Variants in HPS3 observed in about 807,000 individuals in gnomAD.
The protein encoded by HPS3 is HPS3 biogenesis of lysosomal organelles complex 2 subunit 1.
Under a neutral mutation model 110.9 loss-of-function variants are expected in HPS3, and 79 were observed. The ratio of observed to expected loss-of-function variants is 0.71; its 90% confidence interval spans 0.59 to 0.86. The LOEUF (loss-of-function observed/expected upper bound fraction) is 0.86. Ranked by LOEUF, HPS3 falls within the 40% of genes least tolerant of loss-of-function variation. The pLI, the probability that HPS3 is intolerant of heterozygous loss-of-function variation, is 0.00. For missense variants in HPS3, 1,197 were observed against 1,206.2 expected, an observed-to-expected ratio of 0.99 and a Z score of 0.11; for synonymous variants, 428 against 451.0, an observed-to-expected ratio of 0.95 and a Z score of 0.65.
chr3:149,131,498 T>C (rs555358218), intron 1 of HPS3, among the ~76,000 whole-genome samples: 2 of 152,338 alleles, frequency 1.3e-5, no homozygotes, highest in Non-Finnish European at 2.9e-5. Context: ...ATCTTTGATG[T>C]TACTATTGTA....
In HPS3 at chr3:149,167,967, C is replaced by A. The variant is rs917888974; in HGVS notation, c.2871C>A (p.Tyr957Ter). 5 of 1,576,362 alleles carry A rather than the reference C, an allele frequency of 3.2e-6. No individual in the cohort carries two copies. In the African/African-American group the frequency reaches 5.4e-5, roughly 17 times the overall value. ...IKCGGEKYQL[Y>*]LSSLKETLSI... ...GTGGTGGAGAGAAGTATCAACTCTA[C>A]CTGTCATCATTAAAAGGTAAAATGA... The change falls in exon 16 of 17, where the codon TAC becomes TAA. Residue 957 changes from tyrosine to a stop codon, truncating the protein, a stop_gained. Transcript: ENST00000296051. LOFTEE classifies it high-confidence loss of function.
intron 1 of HPS3, among the ~76,000 whole-genome samples, chr3:149,135,874 A>G (rs1320886159): frequency 6.6e-6 from 1 of 152,116 alleles, no homozygotes; most frequent in Non-Finnish European, 1.5e-5. Context: ...TACCCCTCCC[A>G]CAAGCCCTAC....
chr3:149,158,561 G>A (rs757044131), intron 9 of HPS3, 105 bp from the exon 10 acceptor site: 19 of 1,081,792 alleles, frequency 1.8e-5, no homozygotes, highest in Non-Finnish European at 2.6e-5. Flanking sequence ...GCTGAGGTAG[G>A]ATAATCACTT....
intron 6 of HPS3, among the ~76,000 whole-genome samples, chr3:149,151,788 C>A (rs976907044): frequency 3.3e-5 from 5 of 152,126 alleles, no homozygotes; most frequent in Non-Finnish European, 2.9e-5. Flanking sequence ...AATATACATG[C>A]TGCAAGAAGC....
chr3:149,136,213 TATAC>T (rs1224900792), intron 1 of HPS3, among the ~76,000 whole-genome samples: 26 of 151,322 alleles, frequency 1.7e-4, no homozygotes, highest in East Asian at 5.8e-4. Context: ...TACATATATA[TATAC>T]ACACACACAC....
At chr3:149,141,512 T>A in intron 4 of HPS3, 132 bp downstream of exon 4, 1 of 658,948 alleles carries the variant, frequency 1.5e-6, no homozygotes, top group Non-Finnish European at 2.7e-6. Flanking sequence ...TGTGGCCCTT[T>A]AACAAAGTTT....
At position 149,157,871 on chromosome 3, in the gene HPS3, A is replaced by G. The variant is rs955555801; in HGVS notation, c.1691+340A>G. 2.6e-5 allele frequency among the ~76,000 whole-genome samples: 4 copies of G among 152,212 alleles called. No individual in the cohort carries two copies. In the South Asian group the frequency reaches 8.3e-4, roughly 32 times the overall value. On this transcript the variant is annotated intron_variant, in intron 9 of 16. Transcript: ENST00000296051. ...ATTAAAAACATATATTTTGTTAGTAAAGTTAACACTTGGACATATTAAACC... is the reference window on the plus strand; with the variant it reads ...ATTAAAAACATATATTTTGTTAGTAGAGTTAACACTTGGACATATTAAACC...
intron 10 of HPS3, among the ~76,000 whole-genome samples, chr3:149,159,138 A>G (rs939157801): frequency 2.0e-5 from 3 of 152,190 alleles, no homozygotes; most frequent in Non-Finnish European, 4.4e-5. Flanking sequence ...AGCTACACAG[A>G]ATGCGGGCCT....
chr3:149,170,271 A>G (rs1031306383), intron 16 of HPS3, among the ~76,000 whole-genome samples: 1 of 152,214 alleles, frequency 6.6e-6, no homozygotes, highest in Non-Finnish European at 1.5e-5. Flanking sequence ...TGTTGACTCT[A>G]TAACAACTCC....
Position 149,171,661 on chromosome 3 carries a change from CT to C in HPS3, c.2888-431del, listed in dbSNP as rs1259875822. On this transcript the variant is annotated intron_variant, in intron 16 of 16. Coordinates refer to ENST00000296051, the MANE Select transcript of HPS3 (RefSeq NM_032383.5). ...ATGGATTTAAGAGACTGATTTTTTTCTTTGAAGTTATAACATTTTGTTACCT... is the reference window on the plus strand; with the variant it reads ...ATGGATTTAAGAGACTGATTTTTTTCTTGAAGTTATAACATTTTGTTACCT... Among the ~76,000 whole-genome samples the C allele has an allele frequency of 4.9e-5, 7 of 142,948 alleles. 1 individual carries two copies. Among genetic ancestry groups the C allele is most frequent in the Admixed American group, 4.1e-4 (6 of 14,536 alleles). 93.8% of individuals were successfully genotyped at this position (142,948 alleles called of 152,430 possible). A position where few individuals can be genotyped will look rare whatever the true frequency, so the allele number is the denominator to read the frequency against.
chr3:149,134,677 C>T (rs1037713079), intron 1 of HPS3, among the ~76,000 whole-genome samples: 13 of 152,146 alleles, frequency 8.5e-5, no homozygotes, highest in African/African-American at 2.2e-4. Context: ...GGTTGAGAAC[C>T]GCTGATCTAG....
At chr3:149,165,061 C>T (rs1724272775) in intron 14 of HPS3, among the ~76,000 whole-genome samples, 1 of 152,112 alleles carries the variant, frequency 6.6e-6, no homozygotes, top group Non-Finnish European at 1.5e-5. Flanking sequence ...TATTTATGTG[C>T]TTCTTTAAAA....
Position 149,130,180 on chromosome 3 carries a change from C to A in HPS3, c.217+240C>A, listed in dbSNP as rs7643306. ...CGGGGCGGAGACGCTGACATCTCTT[C>A]GTCTTGGTTTTCTGCAGAAAGGCCT... On this transcript the variant is annotated intron_variant, in intron 1 of 16. Coordinates refer to ENST00000296051, the MANE Select transcript of HPS3 (RefSeq NM_032383.5). 0.086 allele frequency: 49,685 copies of A among 575,734 alleles called. 2,569 individuals are homozygous for A. The highest frequency in any genetic ancestry group is 0.14 in the South Asian group (6,352 of 46,572). 35.7% of individuals were successfully genotyped at this position (575,734 alleles called of 1,614,324 possible).
rs2108155093 is a variant in HPS3 at position 149,155,101 on chromosome 3, T to C, written c.1401-6T>C. 6.6e-7 allele frequency: 1 copy of C among 1,517,770 alleles called. No individual in the cohort carries two copies. Among genetic ancestry groups the C allele is most frequent in the Admixed American group, 1.7e-5 (1 of 59,938 alleles). 94.0% of individuals were successfully genotyped at this position (1,517,770 alleles called of 1,614,324 possible). A position where few individuals can be genotyped will look rare whatever the true frequency, so the allele number is the denominator to read the frequency against. On this transcript the variant is annotated splice_polypyrimidine_tract_variant and splice_region_variant and intron_variant, in intron 7 of 16. Transcript: ENST00000296051. ...TTAAAATTCTTGTCCTTTGTTTTGCTTTTAGTTCGAGAAAAGATACCAGTG... is the reference window on the plus strand; with the variant it reads ...TTAAAATTCTTGTCCTTTGTTTTGCCTTTAGTTCGAGAAAAGATACCAGTG...
intron 1 of HPS3, chr3:149,130,278 A>C (rs1339607712): frequency 5.2e-6 from 2 of 385,300 alleles, no homozygotes; most frequent in Non-Finnish European, 4.7e-6. Flanking sequence ...TCAGATTTCA[A>C]AGACTTACCA....
chr3:149,162,628 G>A (rs1392323745), intron 12 of HPS3, 62 bp from the exon 13 acceptor site: 2 of 1,531,440 alleles, frequency 1.3e-6, no homozygotes, highest in Non-Finnish European at 1.8e-6. Context: ...ATTCAGCCCA[G>A]CTGTCGCTTT....
At chr3:149,169,036 TAC>T (rs1724712712) in intron 16 of HPS3, among the ~76,000 whole-genome samples, 2 of 149,992 alleles carry the variant, frequency 1.3e-5, no homozygotes, top group African/African-American at 5.0e-5. Context: ...TTTGTGTGCA[TAC>T]GTGTGTGTGT....
At chr3:149,171,160 C>T (rs1724948270) in intron 16 of HPS3, among the ~76,000 whole-genome samples, 1 of 152,126 alleles carries the variant, frequency 6.6e-6, no homozygotes, top group South Asian at 2.1e-4. Flanking sequence ...CACCTGTAGT[C>T]CCAGCTATTT....
intron 14 of HPS3, among the ~76,000 whole-genome samples, chr3:149,164,262 G>A (rs1421573276): frequency 1.3e-5 from 2 of 152,184 alleles, no homozygotes; most frequent in Admixed American, 6.5e-5. Flanking sequence ...TGTGGCAAAT[G>A]TTTAGTGGTG....
Sources: allele counts gnomAD v4.1 joint callset (sites outside exome capture counted in the v4.1 genomes callset), GRCh38; gene constraint gnomAD v4.1.1; transcripts MANE v1.5; gene names NCBI Gene and HGNC (gene_info 2026-07-23, HGNC 2026-07-21).